BCO1: variants seen among roughly 807,000 people sequenced by gnomAD.
BCO1 encodes beta,beta-carotene 15,15'-dioxygenase.
Under a neutral mutation model 56.3 loss-of-function variants are expected in BCO1, and 54 were observed. The ratio of observed to expected loss-of-function variants is 0.96; its 90% confidence interval spans 0.77 to 1.20. BCO1 has a LOEUF of 1.20. Ranked by LOEUF, BCO1 falls within the 50% of genes most tolerant of loss-of-function variation. The pLI is 0.00. For synonymous variants in BCO1, 318 were observed against 266.1 expected (o/e 1.20, Z -1.90); for missense variants, 801 against 690.9 (o/e 1.16, Z -1.79).
At chr16:81,271,894 T>C (rs1034988513) in intron 7 of BCO1, among the ~76,000 whole-genome samples, 13 of 151,536 alleles carry the variant, frequency 8.6e-5, no homozygotes, top group East Asian at 2.0e-4. Flanking sequence ...GGATTACAGG[T>C]GCCCACCACC....
chr16:81,271,900 C>T (rs11150377), intron 7 of BCO1, among the ~76,000 whole-genome samples: 89,454 of 151,616 alleles, frequency 0.59, 27,166 homozygotes, highest in East Asian at 0.85. Context: ...CAGGTGCCCA[C>T]CACCATGCCT....
In BCO1 at chr16:81,261,899, G is replaced by T. The variant is rs1026604765; in HGVS notation, c.324-237G>T. The stretch of plus-strand genomic sequence containing the variant: ...TGGGACTACAGGCGCCTGCCACCAC[G>T]CCCGGCTGATTTTTTGTATTTTTTA... On this transcript the variant is annotated intron_variant, in intron 3 of 10. Transcript: ENST00000258168. The T allele has an allele frequency of 7.1e-6, 3 of 421,974 alleles. No individual in the cohort carries two copies. The Admixed American group carries it at 1.0e-4, about 14-fold the overall frequency. The allele number at this position is 421,974 out of a possible 1,614,324, so 26.1% of individuals were successfully genotyped here.
At chr16:81,268,946 T>C (rs1414216564) in intron 6 of BCO1, among the ~76,000 whole-genome samples, 4 of 152,010 alleles carry the variant, frequency 2.6e-5, no homozygotes, top group Non-Finnish European at 5.9e-5. Context: ...TTTGTTGTTT[T>C]GTAGAGATTG....
intron 5 of BCO1, among the ~76,000 whole-genome samples, chr16:81,267,434 A>T (rs1345134489): frequency 6.6e-6 from 1 of 152,150 alleles, no homozygotes; most frequent in East Asian, 1.9e-4. Context: ...CCAACATGGC[A>T]AAACCCCATC....
intron 1 of BCO1, 69 bp downstream of exon 1, chr16:81,239,041 G>C (rs1299902070): frequency 3.0e-6 from 4 of 1,348,292 alleles, no homozygotes; most frequent in Non-Finnish European, 4.1e-6. Context: ...TTTTGAGGCG[G>C]AGTCTCGCTC....
chr16:81,285,836 G>A (rs994195198), intron 9 of BCO1, among the ~76,000 whole-genome samples: 1 of 152,032 alleles, frequency 6.6e-6, no homozygotes, highest in African/African-American at 2.4e-5. Flanking sequence ...AGAGGTTGTG[G>A]CTGGAGTTTA....
intron 7 of BCO1, among the ~76,000 whole-genome samples, chr16:81,272,860 C>T (rs531958025): frequency 3.9e-5 from 6 of 152,328 alleles, no homozygotes; most frequent in African/African-American, 9.6e-5. Context: ...CCTCATTTTA[C>T]AGATGAACAA....
chr16:81,280,419 C>A (rs1907813645), intron 7 of BCO1, among the ~76,000 whole-genome samples: 2 of 150,882 alleles, frequency 1.3e-5, no homozygotes, highest in Non-Finnish European at 2.9e-5. Flanking sequence ...ACTGCATACG[C>A]AATTTGTCCT....
rs1317131757 is a variant in BCO1, at chr16:81,290,625, C to T, written c.*48C>T. Reference sequence around the variant, plus strand: ...GAGGGGAGCTCGGCTGTCAGAACTCCATGGATATGTTTCTTTGGATGGAGG... The same window carrying T: ...GAGGGGAGCTCGGCTGTCAGAACTCTATGGATATGTTTCTTTGGATGGAGG... On this transcript the variant is annotated 3_prime_UTR_variant, in exon 11 of 11. Transcript: ENST00000258168. The T allele has an allele frequency of 6.9e-7, 1 of 1,455,272 alleles. No homozygotes were observed. Among genetic ancestry groups the T allele is most frequent in the Non-Finnish European group, 9.6e-7 (1 of 1,046,664 alleles). The allele number at this position is 1,455,272 out of a possible 1,614,324, so 90.1% of individuals were successfully genotyped here.
At chr16:81,276,908 A>C (rs967897458) in intron 7 of BCO1, among the ~76,000 whole-genome samples, 3 of 151,830 alleles carry the variant, frequency 2.0e-5, no homozygotes, top group African/African-American at 7.3e-5. Flanking sequence ...CTCTACTAAA[A>C]ATACAAAACT....
intron 1 of BCO1, among the ~76,000 whole-genome samples, chr16:81,240,775 T>C (rs1905072653): frequency 6.6e-6 from 1 of 151,968 alleles, no homozygotes; most frequent in African/African-American, 2.4e-5. Context: ...CTGTCTTTAT[T>C]ATTTGGTTGG....
intron 3 of BCO1, 108 bp from the exon 4 acceptor site, chr16:81,262,028 C>A (rs1323120145): frequency 2.2e-6 from 3 of 1,381,854 alleles, no homozygotes; most frequent in African/African-American, 1.4e-5. Flanking sequence ...AGGCACCCGG[C>A]CGAAGTAAAG....
At chr16:81,242,479 G>A (rs1229417574) in intron 1 of BCO1, among the ~76,000 whole-genome samples, 1 of 152,022 alleles carries the variant, frequency 6.6e-6, no homozygotes, top group African/African-American at 2.4e-5. Flanking sequence ...AGGATAACAG[G>A]CCTGAGCCAC....
chr16:81,243,684 G>C (rs1324654238), intron 1 of BCO1, among the ~76,000 whole-genome samples: 1 of 152,158 alleles, frequency 6.6e-6, no homozygotes, highest in African/African-American at 2.4e-5. Context: ...GGCCAGGCTT[G>C]TCTCCAGCTC....
chr16:81,253,805 AAT>A (rs1905957512), intron 2 of BCO1, among the ~76,000 whole-genome samples: 1 of 152,142 alleles, frequency 6.6e-6, no homozygotes, highest in Non-Finnish European at 1.5e-5. Context: ...CTCTACAAAA[AAT>A]AAAAAATTAG....
chr16:81,268,779 T>G (rs761904453), intron 6 of BCO1, among the ~76,000 whole-genome samples: 28 of 152,134 alleles, frequency 1.8e-4, no homozygotes, highest in Non-Finnish European at 3.2e-4. Context: ...GGGTTTTTAT[T>G]GTGGGGGGGT....
At chr16:81,248,980 C>G (rs980531732) in intron 2 of BCO1, among the ~76,000 whole-genome samples, 12 of 152,248 alleles carry the variant, frequency 7.9e-5, no homozygotes, top group Middle Eastern at 3.4e-3. Flanking sequence ...CCACTGCACT[C>G]CAGCCTGGGT....
At chr16:81,255,024 C>A (rs1906042222) in intron 2 of BCO1, among the ~76,000 whole-genome samples, 1 of 152,154 alleles carries the variant, frequency 6.6e-6, no homozygotes, top group Admixed American at 6.5e-5. Context: ...CTCAAGCGAT[C>A]CTCCCCTCTG....
intron 10 of BCO1, among the ~76,000 whole-genome samples, chr16:81,289,126 A>G (rs1231996442): frequency 6.6e-6 from 1 of 152,212 alleles, no homozygotes; most frequent in Non-Finnish European, 1.5e-5. Flanking sequence ...TTCAGAGGTA[A>G]GATTTAAATC....
Sources: allele counts gnomAD v4.1 joint callset (sites outside exome capture counted in the v4.1 genomes callset), GRCh38; gene constraint gnomAD v4.1.1; transcripts MANE v1.5; gene names NCBI Gene and HGNC (gene_info 2026-07-23, HGNC 2026-07-21).